LONRF3: variants seen among roughly 807,000 people sequenced by gnomAD.
LONRF3 encodes LON peptidase N-terminal domain and RING finger protein 3.
In LONRF3, 19 loss-of-function variants were observed where a neutral mutation model predicts 51.7. The observed-to-expected ratio is 0.37, with a 90% CI of 0.26 to 0.54. LONRF3 has a LOEUF of 0.54. Among genes scored for constraint, LONRF3 ranks in the 20% least tolerant of loss-of-function variants. The pLI is 0.86. For synonymous variants in LONRF3, 265 were observed against 257.8 expected, an observed-to-expected ratio of 1.03 and a Z score of -0.27; for missense variants, 521 against 623.9, an observed-to-expected ratio of 0.84 and a Z score of 1.76.
In LONRF3 at chrX:119,015,903, A is replaced by G. The variant is rs931106580; in HGVS notation, c.2124+1547A>G. ...TCTGTCAGGAGGATGTTTCTTAGAA[A>G]CTGCCACAAGTGTTAATACCAGCTT... On this transcript the variant is annotated intron_variant, in intron 10 of 10. Coordinates refer to ENST00000371628, the MANE Select transcript of LONRF3 (RefSeq NM_001031855.3). Among the ~76,000 whole-genome samples, 3 of 112,428 alleles carry G rather than the reference A, an allele frequency of 2.7e-5. No homozygotes were observed. In the Admixed American group the frequency reaches 2.8e-4, roughly 11 times the overall value.
chrX:118,991,025 G>A (rs1923389183), intron 5 of LONRF3, among the ~76,000 whole-genome samples: 2 of 110,760 alleles, frequency 1.8e-5, no homozygotes, highest in African/African-American at 3.3e-5. Context: ...GCTTGGCTAA[G>A]TTTTGTATTT....
At position 119,011,826 on chromosome X, in the gene LONRF3, A is replaced by G. The variant is rs1419155890; in HGVS notation, c.1664A>G (p.Asn555Ser). 8.3e-7 allele frequency: 1 copy of G among 1,210,944 alleles called. No individual in the cohort carries two copies. The highest frequency in any genetic ancestry group is 2.2e-5 in the Admixed American group (1 of 46,016). The change falls in exon 8 of 11, where the codon AAT becomes AGT. Residue 555 changes from asparagine to serine, a missense_variant. Coordinates refer to ENST00000371628, the MANE Select transcript of LONRF3 (RefSeq NM_001031855.3). The part of the protein sequence containing the change: ...EMEELSNLNK[N>S]VPIFVCTMAY... The stretch of plus-strand genomic sequence containing the variant: ...TCTCTTTCTGACAGCCTTAATAAGA[A>G]TGTGCCTATTTTCGTGTGTACTATG...
intron 5 of LONRF3, among the ~76,000 whole-genome samples, chrX:119,005,311 A>G: frequency 8.9e-6 from 1 of 111,976 alleles, no homozygotes; most frequent in Admixed American, 9.5e-5. Context: ...TTTTAAGCAA[A>G]GCAAATCCAT....
At chrX:119,008,805 C>A (rs1157257875) in intron 6 of LONRF3, among the ~76,000 whole-genome samples, 1 of 111,361 alleles carries the variant, frequency 9.0e-6, no homozygotes, top group Non-Finnish European at 1.9e-5. Context: ...TTCCCCCCAC[C>A]CTACTTTTTG....
intron 3 of LONRF3, among the ~76,000 whole-genome samples, chrX:118,984,069 G>C (rs7067172): frequency 0.016 from 1,775 of 112,075 alleles, 32 homozygotes; most frequent in African/African-American, 0.053. Flanking sequence ...AATTTCTTCT[G>C]CATTATACAC....
intron 1 of LONRF3, among the ~76,000 whole-genome samples, chrX:118,977,780 A>G (rs142205167): frequency 3.6e-5 from 4 of 112,435 alleles, no homozygotes; most frequent in African/African-American, 1.3e-4. Flanking sequence ...AAGTTCATTT[A>G]CATTTGGCCA....
intron 3 of LONRF3, 63 bp from the exon 4 acceptor site, chrX:118,989,345 G>A: frequency 8.7e-7 from 1 of 1,146,170 alleles, no homozygotes; most frequent in Non-Finnish European, 1.2e-6. Flanking sequence ...CCTCTGGGTA[G>A]GAATATGAGA....
At chrX:118,990,388 G>A (rs1923336147) in intron 4 of LONRF3, 82 bp from the exon 5 acceptor site, 11 of 736,037 alleles carry the variant, frequency 1.5e-5, no homozygotes, top group Admixed American at 7.0e-5. Context: ...ACTGAAAAAC[G>A]CATTGGATTA....
chrX:119,013,414 G>GCATT (rs1351653051), intron 9 of LONRF3, among the ~76,000 whole-genome samples: 2 of 112,360 alleles, frequency 1.8e-5, no homozygotes, highest in Non-Finnish European at 3.8e-5. Context: ...CTGCTGAGTT[G>GCATT]CATTCATGCA....
In LONRF3 at chrX:118,975,221, G is replaced by A. The variant is rs1249804061; in HGVS notation, c.441G>A (p.Ala147=). The change falls in exon 1 of 11, where the codon GCG becomes GCA. Residue 147 remains alanine, a synonymous_variant. Transcript: ENST00000371628. ...AAEETGAAAA[A]AATEVWDGFK... ...AAGAGACGGGGGCCGCCGCGGCTGC[G>A]GCGGCCACCGAGGTGTGGGACGGCT... 1.7e-6 allele frequency: 2 copies of A among 1,179,258 alleles called. No individual in the cohort carries two copies. Among genetic ancestry groups the A allele is most frequent in the Non-Finnish European group, 2.3e-6 (2 of 881,907 alleles).
At chrX:118,989,376 A>C (rs369535074) in intron 3 of LONRF3, 32 bp from the exon 4 acceptor site, 1 of 1,201,351 alleles carries the variant, frequency 8.3e-7, no homozygotes. Flanking sequence ...AGTCCTAAGA[A>C]GATTCTGATA....
intron 1 of LONRF3, chrX:118,976,747 G>C (rs1168239647): frequency 8.8e-6 from 1 of 113,399 alleles, no homozygotes; most frequent in African/African-American, 3.2e-5. Context: ...CCGCCAGCCG[G>C]TGTTGCCCAG....
At position 118,987,117 on chromosome X, in the gene LONRF3, C is replaced by T. The variant is rs773631271; in HGVS notation, c.1060-2291C>T. On this transcript the variant is annotated intron_variant, in intron 3 of 10. Transcript: ENST00000371628. ...CTCACCCAGCTCGCTCGTGACGCTT[C>T]GTTTGGCTGTTTTGTGGGCAAACGT... 201 of 1,111,797 alleles carry T rather than the reference C, an allele frequency of 1.8e-4. No homozygotes were observed. In the South Asian group the frequency reaches 2.1e-3, roughly 12 times the overall value. 91.6% of individuals were successfully genotyped at this position (1,111,797 alleles called of 1,213,427 possible).
chrX:119,011,595 C>T (rs1925115021), intron 7 of LONRF3, among the ~76,000 whole-genome samples: 1 of 112,271 alleles, frequency 8.9e-6, no homozygotes. Context: ...TTAGGCTAAC[C>T]TCTGCATCAG....
At chrX:119,011,367 G>C (rs1311670407) in intron 7 of LONRF3, among the ~76,000 whole-genome samples, 1 of 111,142 alleles carries the variant, frequency 9.0e-6, no homozygotes, top group African/African-American at 3.3e-5. Context: ...GGACCTTACA[G>C]AGAATTTCCC....
chrX:119,000,168 GTGTC>G (rs1324827460), intron 5 of LONRF3, among the ~76,000 whole-genome samples: 1 of 111,716 alleles, frequency 9.0e-6, no homozygotes, highest in Non-Finnish European at 1.9e-5. Context: ...TTGGGGGAGA[GTGTC>G]TGAGAGTAAA....
intron 5 of LONRF3, among the ~76,000 whole-genome samples, chrX:119,002,085 A>G (rs1603253691): frequency 8.9e-6 from 1 of 112,604 alleles, no homozygotes; most frequent in East Asian, 2.8e-4. Flanking sequence ...TTTGAAAAAC[A>G]TTTTAAATTG....
intron 5 of LONRF3, among the ~76,000 whole-genome samples, chrX:119,004,317 T>C (rs1487749365): frequency 8.9e-6 from 1 of 112,466 alleles, no homozygotes; most frequent in Non-Finnish European, 1.9e-5. Flanking sequence ...AAAGTCTCTC[T>C]CCTCCTCCAG....
At chrX:118,998,695 ATAAAGT>A (rs1454198696) in intron 5 of LONRF3, among the ~76,000 whole-genome samples, 1 of 112,764 alleles carries the variant, frequency 8.9e-6, no homozygotes, top group African/African-American at 3.2e-5. Context: ...ATTTTTAAAA[ATAAAGT>A]TAAATTCATT....
Sources: allele counts gnomAD v4.1 joint callset (sites outside exome capture counted in the v4.1 genomes callset), GRCh38; gene constraint gnomAD v4.1.1; transcripts MANE v1.5; gene names NCBI Gene and HGNC (gene_info 2026-07-23, HGNC 2026-07-21).